The following RALYL variants were observed in gnomAD, a reference collection of about 807,000 sequenced individuals.
RALYL encodes RALY RNA binding protein like, also known as RNA-binding Raly-like protein.
RALYL carries 29 observed loss-of-function variants against 35.1 expected under a neutral mutation model. That is an observed-to-expected ratio of 0.83 (90% CI 0.61 to 1.13). RALYL has a LOEUF of 1.13. Ranked by LOEUF, RALYL falls within the 50% of genes most tolerant of loss-of-function variation. The pLI is 0.00. For missense variants in RALYL, 359 were observed against 360.4 expected, an observed-to-expected ratio of 1.00 and a Z score of 0.03; for synonymous variants, 120 against 127.6, an observed-to-expected ratio of 0.94 and a Z score of 0.40.
intron 5 of RALYL, among the ~76,000 whole-genome samples, chr8:84,856,799 C>A (rs915658571): frequency 6.6e-6 from 1 of 151,554 alleles, no homozygotes; most frequent in South Asian, 2.1e-4. Flanking sequence ...GAGGCCGAGG[C>A]GGGTGGATCA....
chr8:84,404,327 T>C (rs1277503509), intron 1 of RALYL, among the ~76,000 whole-genome samples: 1 of 152,162 alleles, frequency 6.6e-6, no homozygotes, highest in Non-Finnish European at 1.5e-5. Context: ...ATAGCTCTTA[T>C]TATTTTGAGA....
intron 2 of RALYL, among the ~76,000 whole-genome samples, chr8:84,774,292 T>TTTTTATGGTATATATG (rs1816307233): frequency 6.6e-6 from 1 of 152,200 alleles, no homozygotes; most frequent in Non-Finnish European, 1.5e-5. Context: ...GTACTCATCG[T>TTTTTATGGTATATATG]TTTCTAATAT....
intron 1 of RALYL, among the ~76,000 whole-genome samples, chr8:84,385,929 T>C (rs1307221150): frequency 6.6e-6 from 1 of 151,830 alleles, no homozygotes; most frequent in Non-Finnish European, 1.5e-5. Flanking sequence ...AGCCACTCCC[T>C]CCTTTCTGTA....
intron 1 of RALYL, among the ~76,000 whole-genome samples, chr8:84,436,548 T>C (rs1372767310): frequency 2.3e-5 from 2 of 87,308 alleles, no homozygotes; most frequent in Non-Finnish European, 5.0e-5. Flanking sequence ...TGGGAGTTTT[T>C]TTTTTTTTTT....
intron 1 of RALYL, among the ~76,000 whole-genome samples, chr8:84,402,868 T>C (rs1051825969): frequency 2.0e-5 from 3 of 152,190 alleles, no homozygotes; most frequent in Non-Finnish European, 4.4e-5. Context: ...TGGTGTGAGA[T>C]GGTATCTCAT....
chr8:84,329,656 T>A (rs1006024927), intron 1 of RALYL, among the ~76,000 whole-genome samples: 73 of 152,206 alleles, frequency 4.8e-4, no homozygotes, highest in South Asian at 1.0e-3. Flanking sequence ...GTATAATTTT[T>A]CCTGTTATAT....
intron 4 of RALYL, among the ~76,000 whole-genome samples, chr8:84,824,891 A>C (rs1037465052): frequency 6.6e-6 from 1 of 152,138 alleles, no homozygotes; most frequent in Non-Finnish European, 1.5e-5. Context: ...TAAATATAAG[A>C]CCTCAAACTA....
At chr8:84,754,705 C>A (rs1198265752) in intron 2 of RALYL, among the ~76,000 whole-genome samples, 1 of 139,180 alleles carries the variant, frequency 7.2e-6, no homozygotes, top group Non-Finnish European at 1.6e-5. Context: ...CAAAAGGCAA[C>A]TTTTCACATC....
chr8:84,410,843 G>A (rs2044026489), intron 1 of RALYL, among the ~76,000 whole-genome samples: 1 of 151,596 alleles, frequency 6.6e-6, no homozygotes, highest in African/African-American at 2.4e-5. Context: ...ATACTATTAA[G>A]AGTGAATAAG....
At chr8:84,350,672 C>G (rs1850721284) in intron 1 of RALYL, among the ~76,000 whole-genome samples, 3 of 150,212 alleles carry the variant, frequency 2.0e-5, no homozygotes, top group Admixed American at 2.0e-4. Context: ...CAAGAGGCCC[C>G]TTCTCATTAT....
At position 84,653,551 on chromosome 8, in the gene RALYL, C is replaced by T. The variant is rs1208574270; in HGVS notation, c.257-121028C>T. Among the ~76,000 whole-genome samples, 3 of 151,954 alleles carry T rather than the reference C, an allele frequency of 2.0e-5. No individual in the cohort carries two copies. In the East Asian group the frequency reaches 5.8e-4, roughly 29 times the overall value. ...TTGGTATACTTTTCCCTCTCATTTC[C>T]CAATGGCTTCCTTCCTTCCTTCAGG... On this transcript the variant is annotated intron_variant, in intron 2 of 8. Coordinates refer to ENST00000521268, the MANE Select transcript of RALYL (RefSeq NM_173848.7).
intron 8 of RALYL, among the ~76,000 whole-genome samples, chr8:84,890,110 C>T (rs1291937209): frequency 6.6e-6 from 1 of 152,022 alleles, no homozygotes; most frequent in African/African-American, 2.4e-5. Flanking sequence ...AGTCAAAATC[C>T]CAAAGAGTGT....
intron 1 of RALYL, among the ~76,000 whole-genome samples, chr8:84,258,211 C>T (rs1240247572): frequency 1.3e-5 from 2 of 152,074 alleles, no homozygotes; most frequent in African/African-American, 4.8e-5. Context: ...CTGTTTGTCT[C>T]ATCAGTAATT....
chr8:84,240,131 A>C (rs966823364), intron 1 of RALYL, among the ~76,000 whole-genome samples: 1 of 152,182 alleles, frequency 6.6e-6, no homozygotes, highest in African/African-American at 2.4e-5. Context: ...GACACACTAA[A>C]TTTATATATT....
intron 2 of RALYL, among the ~76,000 whole-genome samples, chr8:84,569,660 C>T (rs1343315291): frequency 2.0e-5 from 3 of 151,800 alleles, no homozygotes; most frequent in African/African-American, 4.8e-5. Flanking sequence ...AATTCTTTGC[C>T]TAGGTCAATG....
At chr8:84,661,619 TTTTA>T (rs975459691) in intron 2 of RALYL, among the ~76,000 whole-genome samples, 149 of 125,066 alleles carry the variant, frequency 1.2e-3, no homozygotes, top group African/African-American at 5.1e-3. Flanking sequence ...CTACATTTTA[TTTTA>T]TTTATTTTAT....
At chr8:84,734,265 G>A (rs1246159714) in intron 2 of RALYL, among the ~76,000 whole-genome samples, 4 of 152,042 alleles carry the variant, frequency 2.6e-5, no homozygotes, top group African/African-American at 7.2e-5. Flanking sequence ...AAAGGGGATG[G>A]TTTTTAGAGT....
At chr8:84,552,337 TG>T in intron 2 of RALYL, among the ~76,000 whole-genome samples, 1 of 97,066 alleles carries the variant, frequency 1.0e-5, no homozygotes, top group Admixed American at 1.0e-4. Context: ...AGGATGTGTG[TG>T]TATATATATA....
At position 84,197,280 on chromosome 8, in the gene RALYL, C is replaced by T. The variant is rs1056910990; in HGVS notation, c.-24+12856C>T. On this transcript the variant is annotated intron_variant, in intron 1 of 8. Transcript: ENST00000521268. ...AAGAGGCTTATATACTGTGAAACCC[C>T]GCAATCTACACAGCCTCATTTTCTT... 3.9e-5 allele frequency among the ~76,000 whole-genome samples: 6 copies of T among 152,076 alleles called. No homozygotes were observed. In the East Asian group the frequency reaches 5.8e-4, roughly 15 times the overall value.
Sources: gnomAD v4.1 joint callset for allele counts (sites outside exome capture counted in the v4.1 genomes callset) on GRCh38, gnomAD v4.1.1 for gene constraint, MANE v1.5 for transcripts, NCBI Gene and HGNC (gene_info 2026-07-23, HGNC 2026-07-21) for gene names.